WDR88: variants seen among roughly 807,000 people sequenced by gnomAD.
WDR88 encodes the protein WD repeat-containing protein 88.
In WDR88, 40 loss-of-function variants were observed where a neutral mutation model predicts 46.8. The ratio of observed to expected loss-of-function variants is 0.86; its 90% confidence interval spans 0.66 to 1.11. The LOEUF is 1.11. Among genes scored for constraint, WDR88 ranks in the 50% most tolerant of loss-of-function variants. WDR88 has a pLI of 0.00. For missense variants in WDR88, 562 were observed against 602.4 expected, an observed-to-expected ratio of 0.93 and a Z score of 0.70; for synonymous variants, 235 against 240.7, an observed-to-expected ratio of 0.98 and a Z score of 0.22.
At chr19:33,143,961 A>G (rs1445585904) in intron 2 of WDR88, among the ~76,000 whole-genome samples, 16 of 152,184 alleles carry the variant, frequency 1.1e-4, no homozygotes, top group Admixed American at 1.0e-3. Context: ...AAGTCTAACC[A>G]GTATTTCCCC....
intron 1 of WDR88, among the ~76,000 whole-genome samples, chr19:33,133,687 G>C (rs749056228): frequency 6.6e-6 from 1 of 152,212 alleles, no homozygotes; most frequent in Non-Finnish European, 1.5e-5. Context: ...CTGGCGATCT[G>C]CCTGTGGCCT....
chr19:33,141,497 T>C (rs1973394636), intron 2 of WDR88, among the ~76,000 whole-genome samples: 1 of 152,038 alleles, frequency 6.6e-6, no homozygotes, highest in Non-Finnish European at 1.5e-5. Flanking sequence ...CCCAAAACAC[T>C]GGGATACAGC....
chr19:33,139,205 C>A (rs993204593), intron 2 of WDR88, among the ~76,000 whole-genome samples: 1 of 152,216 alleles, frequency 6.6e-6, no homozygotes, highest in Non-Finnish European at 1.5e-5. Context: ...CCCCAAGGTG[C>A]AGCAGGCAGG....
At chr19:33,156,039 G>A (rs958090277) in intron 6 of WDR88, among the ~76,000 whole-genome samples, 1 of 152,252 alleles carries the variant, frequency 6.6e-6, no homozygotes, top group Non-Finnish European at 1.5e-5. Context: ...AGAGCAGCCT[G>A]GGTAACATAG....
chr19:33,159,260 A>G (rs1973820242), intron 7 of WDR88, among the ~76,000 whole-genome samples: 1 of 151,802 alleles, frequency 6.6e-6, no homozygotes, highest in Non-Finnish European at 1.5e-5. Flanking sequence ...GCTTGAGACC[A>G]GGAGTTTGAA....
intron 10 of WDR88, chr19:33,175,014 C>T (rs943911378): frequency 4.1e-6 from 4 of 985,000 alleles, no homozygotes; most frequent in South Asian, 4.7e-5. Flanking sequence ...GTGGGTGGAT[C>T]ACTTGAGGCC....
intron 9 of WDR88, among the ~76,000 whole-genome samples, chr19:33,169,028 A>T: frequency 6.6e-6 from 1 of 152,210 alleles, no homozygotes; most frequent in East Asian, 1.9e-4. Context: ...GTGCTAGGAA[A>T]ATTGGAAATT....
chr19:33,174,462 G>A (rs1974092205), intron 10 of WDR88: 1 of 985,382 alleles, frequency 1.0e-6, no homozygotes, highest in East Asian at 1.1e-4. Context: ...CCATGGCCTA[G>A]GAGACCTCAT....
rs144304527 is a variant in WDR88 at position 33,148,799 on chromosome 19, G to A, written c.568G>A (p.Val190Ile). Residue 190 changes from valine to isoleucine, a missense_variant, in exon 5 of 11, where the codon GTC (valine) becomes ATC (isoleucine). Transcript: ENST00000355868. ...LWKVRYDTFIVSCKFSPDGKY... is the reference protein window; with the variant it reads ...LWKVRYDTFIISCKFSPDGKY... ...GAAGGTCAGGTATGATACCTTCATC[G>A]TCTCCTGTAAGTTTTCTCCTGATGG... The A allele has an allele frequency of 9.9e-6, 16 of 1,613,930 alleles. No homozygotes were observed. The highest frequency in any genetic ancestry group is 9.3e-5 in the African/African-American group (7 of 74,900).
At chr19:33,140,176 A>G (rs1253976362) in intron 2 of WDR88, among the ~76,000 whole-genome samples, 3 of 152,106 alleles carry the variant, frequency 2.0e-5, no homozygotes, top group Non-Finnish European at 4.4e-5. Flanking sequence ...TGTTTTAGAG[A>G]CAGAGTCTTT....
At chr19:33,136,787 G>C (rs1314617347) in intron 1 of WDR88, among the ~76,000 whole-genome samples, 1 of 151,918 alleles carries the variant, frequency 6.6e-6, no homozygotes, top group Non-Finnish European at 1.5e-5. Flanking sequence ...ATGTTGGCCA[G>C]GCTGGTCTTA....
At position 33,160,481 on chromosome 19, in the gene WDR88, G is replaced by A; in HGVS notation, c.1065G>A (p.Arg355=). The change falls in exon 8 of 11, where the codon CGG becomes CGA. Residue 355 remains arginine, a synonymous_variant. Coordinates refer to ENST00000355868, the MANE Select transcript of WDR88 (RefSeq NM_173479.4). Reference sequence around the variant, plus strand: ...TTTGGGATGTAGCAGAAGGCTACCGGAAGCTCTCTTTGAAGGTACATGTGG... The same window carrying A: ...TTTGGGATGTAGCAGAAGGCTACCGAAAGCTCTCTTTGAAGGTACATGTGG... ...VAIWDVAEGY[R]KLSLKGHNDW... 1 of 1,614,226 alleles carries A rather than the reference G, an allele frequency of 6.2e-7. No individual in the cohort carries two copies.
intron 8 of WDR88, 133 bp from the exon 9 acceptor site, chr19:33,164,064 G>A: frequency 1.4e-6 from 1 of 710,824 alleles, no homozygotes; most frequent in Non-Finnish European, 2.5e-6. Flanking sequence ...CCACCTCCTG[G>A]GCTCAGGTGA....
At chr19:33,164,101 C>A (rs1279143726) in intron 8 of WDR88, 96 bp from the exon 9 acceptor site, 15 of 1,158,386 alleles carry the variant, frequency 1.3e-5, no homozygotes, top group Non-Finnish European at 1.9e-5. Flanking sequence ...TCCCAAAAGG[C>A]AGGTTACAGG....
chr19:33,142,896 A>G (rs2145372589), intron 2 of WDR88: 1 of 148,368 alleles, frequency 6.7e-6, no homozygotes, highest in African/African-American at 2.5e-5. Context: ...GGGGGCGGGA[A>G]TAACGTGGGA....
chr19:33,163,085 G>C (rs1973896066), intron 8 of WDR88, among the ~76,000 whole-genome samples: 1 of 152,090 alleles, frequency 6.6e-6, no homozygotes, highest in Non-Finnish European at 1.5e-5. Context: ...TGTAATCCCA[G>C]CACTTTGGGA....
intron 8 of WDR88, 86 bp downstream of exon 8, chr19:33,160,582 TG>T: frequency 7.1e-7 from 1 of 1,413,338 alleles, no homozygotes; most frequent in Non-Finnish European, 1.0e-6. Flanking sequence ...GGGACACAGC[TG>T]TGAGTGACAC....
intron 2 of WDR88, 85 bp from the exon 3 acceptor site, chr19:33,144,759 T>C: frequency 8.0e-7 from 1 of 1,249,344 alleles, no homozygotes; most frequent in Non-Finnish European, 1.1e-6. Flanking sequence ...AGAGATAAGC[T>C]AAGGGCTAAT....
intron 2 of WDR88, among the ~76,000 whole-genome samples, chr19:33,140,073 G>C (rs550849167): frequency 1.0e-3 from 154 of 152,294 alleles, no homozygotes; most frequent in African/African-American, 3.5e-3. Flanking sequence ...AGAGCCCAGA[G>C]CCTCAAGATC....
Sources: gnomAD v4.1 joint callset for allele counts (sites outside exome capture counted in the v4.1 genomes callset) on GRCh38, gnomAD v4.1.1 for gene constraint, MANE v1.5 for transcripts, NCBI Gene and HGNC (gene_info 2026-07-23, HGNC 2026-07-21) for gene names.